The following RSRC1 variants were observed in gnomAD, a reference collection of about 807,000 sequenced individuals.
The protein encoded by RSRC1 is arginine and serine rich coiled-coil 1.
In RSRC1, 39 loss-of-function variants were observed where a neutral mutation model predicts 49.1. The observed-to-expected ratio is 0.79, with a 90% confidence interval of 0.61 to 1.04. RSRC1 has a LOEUF of 1.04. Ranked by LOEUF, RSRC1 falls within the 50% of genes least tolerant of loss-of-function variation. RSRC1 has a pLI of 0.00. For missense variants in RSRC1, 388 were observed against 402.4 expected, an observed-to-expected ratio of 0.96 and a Z score of 0.31; for synonymous variants, 143 against 130.8, an observed-to-expected ratio of 1.09 and a Z score of -0.63.
chr3:158,428,424 T>C (rs960565447), intron 6 of RSRC1, among the ~76,000 whole-genome samples: 2 of 151,872 alleles, frequency 1.3e-5, no homozygotes, highest in Non-Finnish European at 2.9e-5. Flanking sequence ...CTGAACAACC[T>C]GACTCTGCAT....
At chr3:158,246,396 A>G (rs1723896175) in intron 4 of RSRC1, among the ~76,000 whole-genome samples, 2 of 96,778 alleles carry the variant, frequency 2.1e-5, no homozygotes. Flanking sequence ...TTAAAGTATA[A>G]TAAAAAAAAA....
At chr3:158,244,891 G>C (rs1044487469) in intron 4 of RSRC1, among the ~76,000 whole-genome samples, 1 of 151,640 alleles carries the variant, frequency 6.6e-6, no homozygotes, top group African/African-American at 2.4e-5. Flanking sequence ...CATTCTTCCA[G>C]ATTTTCTCAT....
At chr3:158,403,099 T>C (rs1375483171) in intron 6 of RSRC1, among the ~76,000 whole-genome samples, 3 of 151,820 alleles carry the variant, frequency 2.0e-5, no homozygotes, top group African/African-American at 4.8e-5. Context: ...CCCATGACAT[T>C]AGTGGTATCT....
chr3:158,436,552 G>C (rs567754825), intron 6 of RSRC1, among the ~76,000 whole-genome samples: 14 of 151,896 alleles, frequency 9.2e-5, no homozygotes, highest in African/African-American at 3.4e-4. Context: ...GGAAATATTG[G>C]AGAAACCACT....
chr3:158,118,473 G>A (rs1292671038), intron 1 of RSRC1, among the ~76,000 whole-genome samples: 3 of 150,442 alleles, frequency 2.0e-5, no homozygotes, highest in African/African-American at 7.4e-5. Context: ...GCGCGTGCGC[G>A]TGGTTTTTTT....
At chr3:158,452,273 T>C (rs1737086499) in intron 6 of RSRC1, among the ~76,000 whole-genome samples, 1 of 152,286 alleles carries the variant, frequency 6.6e-6, no homozygotes, top group Middle Eastern at 3.4e-3. Context: ...TCACTAATAC[T>C]ATACACATAG....
intron 4 of RSRC1, among the ~76,000 whole-genome samples, chr3:158,245,595 ATCTG>A (rs1723842904): frequency 6.6e-6 from 1 of 152,144 alleles, no homozygotes. Flanking sequence ...TGTCTCTGTG[ATCTG>A]TCTAATATTG....
chr3:158,132,098 C>T (rs1028384550), intron 3 of RSRC1: 1 of 441,666 alleles, frequency 2.3e-6, no homozygotes, highest in Non-Finnish European at 4.6e-6. Flanking sequence ...ATCCTCCTAC[C>T]TCAACCTCCT....
chr3:158,118,087 C>G (rs1714964876), intron 1 of RSRC1, among the ~76,000 whole-genome samples: 1 of 151,986 alleles, frequency 6.6e-6, no homozygotes, highest in South Asian at 2.1e-4. Flanking sequence ...GTAGCTGGTA[C>G]TACAAGTATG....
intron 3 of RSRC1, among the ~76,000 whole-genome samples, chr3:158,140,451 T>C (rs1356505968): frequency 6.6e-6 from 1 of 152,244 alleles, no homozygotes; most frequent in African/African-American, 2.4e-5. Flanking sequence ...CCTTTCTGAC[T>C]GTAACAGCAC....
chr3:158,360,163 G>C (rs1731388500), intron 6 of RSRC1, among the ~76,000 whole-genome samples: 1 of 152,088 alleles, frequency 6.6e-6, no homozygotes, highest in Admixed American at 6.5e-5. Flanking sequence ...AAGCCCTAGA[G>C]TTGGTGGCTC....
intron 6 of RSRC1, among the ~76,000 whole-genome samples, chr3:158,455,979 C>CAAAAAAAAAAAAA (rs765828003): frequency 3.5e-5 from 2 of 56,518 alleles, no homozygotes; most frequent in African/African-American, 4.8e-5. Flanking sequence ...GACTCCATCT[C>CAAAAAAAAAAAAA]AAAAAAAAAA....
intron 4 of RSRC1, among the ~76,000 whole-genome samples, chr3:158,229,359 TATACAC>T (rs1722803882): frequency 7.1e-6 from 1 of 140,898 alleles, no homozygotes; most frequent in Non-Finnish European, 1.6e-5. Context: ...TATATACACA[TATACAC>T]ACGTATATGT....
At chr3:158,201,397 T>C (rs1691677990) in intron 3 of RSRC1, among the ~76,000 whole-genome samples, 1 of 152,162 alleles carries the variant, frequency 6.6e-6, no homozygotes, top group Non-Finnish European at 1.5e-5. Context: ...TGTAAATTTG[T>C]CTTTTATTAA....
At chr3:158,282,763 G>A (rs1726258502) in intron 4 of RSRC1, among the ~76,000 whole-genome samples, 1 of 152,166 alleles carries the variant, frequency 6.6e-6, no homozygotes, top group African/African-American at 2.4e-5. Flanking sequence ...TAGATGAATG[G>A]ATGAGCAAAA....
chr3:158,223,504 C>T (rs1722339280), intron 4 of RSRC1, among the ~76,000 whole-genome samples: 1 of 151,430 alleles, frequency 6.6e-6, no homozygotes, highest in Non-Finnish European at 1.5e-5. Flanking sequence ...TTTGTCTCCA[C>T]TGGTATCTTG....
chr3:158,405,250 T>C (rs1734098936), intron 6 of RSRC1, among the ~76,000 whole-genome samples: 1 of 152,012 alleles, frequency 6.6e-6, no homozygotes, highest in Non-Finnish European at 1.5e-5. Context: ...TGTTTTGTCA[T>C]TCAACAAAAT....
At chr3:158,171,996 G>T (rs1440344042) in intron 3 of RSRC1, among the ~76,000 whole-genome samples, 1 of 151,664 alleles carries the variant, frequency 6.6e-6, no homozygotes, top group East Asian at 1.9e-4. Context: ...ATACATAAAT[G>T]AAATAATTCA....
chr3:158,491,535 C>T (rs965132212), intron 7 of RSRC1, among the ~76,000 whole-genome samples: 16 of 152,038 alleles, frequency 1.1e-4, no homozygotes, highest in East Asian at 3.9e-4. Context: ...TTAAGGCTTT[C>T]GGTATAATTG....
Sources: gnomAD v4.1 joint callset for allele counts (sites outside exome capture counted in the v4.1 genomes callset) on GRCh38, gnomAD v4.1.1 for gene constraint, MANE v1.5 for transcripts, NCBI Gene and HGNC (gene_info 2026-07-23, HGNC 2026-07-21) for gene names.